The following SEMA6A variants were observed in gnomAD, a reference collection of about 807,000 sequenced individuals.
SEMA6A encodes the protein semaphorin 6A, also known as semaphorin-6A.
SEMA6A carries 25 observed loss-of-function variants against 96.8 expected under a neutral mutation model. The observed-to-expected ratio is 0.26, with a 90% CI of 0.19 to 0.36. The LOEUF (loss-of-function observed/expected upper bound fraction) is 0.36. Ranked by LOEUF, SEMA6A falls within the 10% of genes least tolerant of loss-of-function variation. SEMA6A has a pLI of 1.00. For missense variants in SEMA6A, 1,363 were observed against 1,323.1 expected, an observed-to-expected ratio of 1.03 and a Z score of -0.47; for synonymous variants, 612 against 518.0, an observed-to-expected ratio of 1.18 and a Z score of -2.46.
At position 116,447,756 on chromosome 5, in the gene SEMA6A, G is replaced by C. The variant is rs1480256833; in HGVS notation, c.1950C>G (p.Leu650=). The change falls in exon 19 of 19, where the codon CTC becomes CTG. Residue 650 remains leucine, a synonymous_variant. Transcript: ENST00000343348. ...KGHDQLVPVT[L]LAIAVILAFV... ...AAGCCAGGATGACTGCAATGGCCAA[G>C]AGGGTGACGGGAACCAGCTGGTCGT... The C allele has an allele frequency of 4.3e-6, 7 of 1,612,378 alleles. No homozygotes were observed. The East Asian group carries it at 1.6e-4, about 36-fold the overall frequency.
intron 15 of SEMA6A, among the ~76,000 whole-genome samples, chr5:116,477,390 C>T (rs1756508730): frequency 6.6e-6 from 1 of 152,220 alleles, no homozygotes; most frequent in Non-Finnish European, 1.5e-5. Flanking sequence ...GATGTATACA[C>T]CATGCTTGCA....
chr5:116,458,622 T>TA (rs1460885832), intron 18 of SEMA6A, among the ~76,000 whole-genome samples: 2 of 152,166 alleles, frequency 1.3e-5, no homozygotes, highest in Non-Finnish European at 2.9e-5. Flanking sequence ...AATGTTAGGT[T>TA]AAAAAATAAA....
At chr5:116,469,948 A>G (rs1426319364) in intron 17 of SEMA6A, among the ~76,000 whole-genome samples, 1 of 152,182 alleles carries the variant, frequency 6.6e-6, no homozygotes, top group Non-Finnish European at 1.5e-5. Context: ...TACCCACCAC[A>G]TCTCGATTTT....
At chr5:116,513,013 TGGGTACAAGGTAGGTGTATATATTTACG>T (rs1248803353) in intron 1 of SEMA6A, among the ~76,000 whole-genome samples, 1 of 152,168 alleles carries the variant, frequency 6.6e-6, no homozygotes, top group Non-Finnish European at 1.5e-5. Context: ...TTACTTTTTG[TGGGTACAAGGTAGGTGTATATATTTACG>T]GGGTACATGA....
chr5:116,478,036 C>G lies in SEMA6A; in HGVS notation c.1546G>C (p.Glu516Gln). 6.2e-7 allele frequency: 1 copy of G among 1,613,972 alleles called. No homozygotes were observed. The highest frequency in any genetic ancestry group is 8.5e-7 in the Non-Finnish European group (1 of 1,179,870). Residue 516 changes from glutamate to glutamine, a missense_variant, in exon 14 of 19, where the codon GAA becomes CAA. This residue lies in a region of SEMA6A where 883 missense variants were observed against 763.6 expected (regional missense o/e 1.16). Coordinates refer to ENST00000343348, the MANE Select transcript of SEMA6A (RefSeq NM_020796.5). ...TACTTTTTACACTTCCCATGTCGTTCACACCGGCCAAGGGGAACCTTTATC... is the reference window on the plus strand; with the variant it reads ...TACTTTTTACACTTCCCATGTCGTTGACACCGGCCAAGGGGAACCTTTATC... ...CVIKVPLGRC[E>Q]RHGKCKKTCI...
intron 1 of SEMA6A, among the ~76,000 whole-genome samples, chr5:116,561,414 A>G (rs1426455075): frequency 2.0e-5 from 3 of 152,222 alleles, no homozygotes; most frequent in African/African-American, 7.2e-5. Context: ...TCTCTCCCCA[A>G]CAAGGTGCCA....
intron 7 of SEMA6A, among the ~76,000 whole-genome samples, chr5:116,490,349 G>A (rs981405334): frequency 3.3e-5 from 5 of 151,880 alleles, no homozygotes; most frequent in Non-Finnish European, 2.9e-5. Flanking sequence ...CTATAGCCCC[G>A]CCTTGGCCTC....
Position 116,477,860 on chromosome 5 carries a change from T to G in SEMA6A, c.1635A>C (p.Leu545Phe). 6.2e-7 allele frequency: 1 copy of G among 1,613,882 alleles called. No homozygotes were observed. The highest frequency in any genetic ancestry group is 8.5e-7 in the Non-Finnish European group (1 of 1,179,862). ...AGGCTGCCTACCTGCTGTTGGGTGA[T>G]AAATGGCTGCAGGCACCACCTTCCT... ...WIKEGGACSH[L>F]SPNSRLTFEQ... Residue 545 changes from leucine (L) to phenylalanine (F), a missense_variant, in exon 15 of 19, where the codon TTA (leucine) becomes TTC (phenylalanine). Leu to Phe is a conservative substitution (Grantham distance 22). Transcript: ENST00000343348.
rs144526757 is a variant in SEMA6A at position 116,464,535 on chromosome 5, G to T, written c.1894+3048C>A. The stretch of plus-strand genomic sequence containing the variant: ...CTTCTCACGCTTTGTTAGTATGACT[G>T]TATATACATACAGCATCAGAATGCT... On this transcript the variant is annotated intron_variant, in intron 18 of 18. Transcript: ENST00000343348. 3.9e-5 allele frequency among the ~76,000 whole-genome samples: 6 copies of T among 152,266 alleles called. No individual in the cohort carries two copies. In the East Asian group the frequency reaches 1.2e-3, roughly 29 times the overall value.
At chr5:116,510,904 G>A (rs1758372693) in intron 1 of SEMA6A, among the ~76,000 whole-genome samples, 2 of 152,114 alleles carry the variant, frequency 1.3e-5, no homozygotes, top group South Asian at 4.2e-4. Flanking sequence ...TGGAAGTGGG[G>A]GTCTACTGAG....
At position 116,538,003 on chromosome 5, in the gene SEMA6A, C is replaced by T. The variant is rs552764725; in HGVS notation, c.-38-33021G>A. Among the ~76,000 whole-genome samples, 4 of 152,230 alleles carry T rather than the reference C, an allele frequency of 2.6e-5. No homozygotes were observed. The South Asian group carries it at 8.3e-4, about 32-fold the overall frequency. On this transcript the variant is annotated intron_variant, in intron 1 of 18. Transcript: ENST00000343348. ...CATCTTGGCCAACATGGTGAAACCTCGTCTCTACTAAAATACAAAAAATTA... is the reference window on the plus strand; with the variant it reads ...CATCTTGGCCAACATGGTGAAACCTTGTCTCTACTAAAATACAAAAAATTA...
At chr5:116,515,257 T>A (rs913464265) in intron 1 of SEMA6A, among the ~76,000 whole-genome samples, 1 of 152,208 alleles carries the variant, frequency 6.6e-6, no homozygotes, top group Non-Finnish European at 1.5e-5. Flanking sequence ...ATGGATGTTT[T>A]CCTTTAACTG....
chr5:116,483,727 A>G (rs150438026), intron 10 of SEMA6A, among the ~76,000 whole-genome samples: 52 of 152,338 alleles, frequency 3.4e-4, no homozygotes, highest in African/African-American at 1.2e-3. Context: ...AAATGCTTAT[A>G]AATTTATACA....
At chr5:116,448,616 C>T (rs543251656) in intron 18 of SEMA6A, among the ~76,000 whole-genome samples, 1 of 152,142 alleles carries the variant, frequency 6.6e-6, no homozygotes, top group South Asian at 2.1e-4. Flanking sequence ...TTGTGGCCAC[C>T]GGAGCCTCCG....
chr5:116,485,081 A>T (rs977063673), intron 10 of SEMA6A, among the ~76,000 whole-genome samples: 1 of 152,210 alleles, frequency 6.6e-6, no homozygotes, highest in Non-Finnish European at 1.5e-5. Flanking sequence ...ACTATAATTT[A>T]TAGATGACAA....
Position 116,447,664 on chromosome 5 carries a change from A to T in SEMA6A, c.2042T>A (p.Val681Glu). The part of the protein sequence containing the change: ...YCVCDHRRKD[V>E]AVVQRKEKEL... ...CTTCTCCTTGCGCTGCACCACAGCC[A>T]CGTCTTTGCGCCGATGATCACAGAC... The change falls in exon 19 of 19, where the codon GTG (valine) becomes GAG (glutamate). Residue 681 changes from valine (V) to glutamate (E), a missense_variant. Val to Glu is a moderately radical substitution (Grantham distance 121, BLOSUM62 -2). Transcript: ENST00000343348. 6.2e-7 allele frequency: 1 copy of T among 1,614,012 alleles called. No homozygotes were observed. The highest frequency in any genetic ancestry group is 8.5e-7 in the Non-Finnish European group (1 of 1,179,892).
intron 1 of SEMA6A, among the ~76,000 whole-genome samples, chr5:116,572,744 C>G (rs1761274610): frequency 2.6e-5 from 4 of 152,198 alleles, no homozygotes; most frequent in Admixed American, 2.6e-4. Flanking sequence ...GTTCCACTCT[C>G]CAAAGGGCCG....
intron 1 of SEMA6A, among the ~76,000 whole-genome samples, chr5:116,520,379 T>C (rs936179993): frequency 4.6e-5 from 7 of 152,008 alleles, no homozygotes; most frequent in African/African-American, 1.7e-4. Context: ...TGTGGGTAAA[T>C]TGGTCTTATT....
intron 17 of SEMA6A, among the ~76,000 whole-genome samples, chr5:116,470,724 A>G (rs980268993): frequency 2.0e-5 from 3 of 152,178 alleles, no homozygotes; most frequent in Non-Finnish European, 2.9e-5. Flanking sequence ...GTTTATTGAA[A>G]TGATCCCTTT....
Sources: allele counts gnomAD v4.1 joint callset (sites outside exome capture counted in the v4.1 genomes callset), GRCh38; gene constraint gnomAD v4.1.1; regional missense constraint gnomAD v4.1.1; transcripts MANE v1.5; gene names NCBI Gene and HGNC (gene_info 2026-07-23, HGNC 2026-07-21).